ATRNL1: variants seen among roughly 807,000 people sequenced by gnomAD.
ATRNL1 encodes the protein attractin-like protein 1.
ATRNL1 carries 95 observed loss-of-function variants against 182.7 expected under a neutral mutation model. The ratio of observed to expected loss-of-function variants is 0.52; its 90% CI spans 0.44 to 0.62. The LOEUF (loss-of-function observed/expected upper bound fraction) is 0.62. Among genes scored for constraint, ATRNL1 ranks in the 20% least tolerant of loss-of-function variants. The pLI is 0.00. For synonymous variants in ATRNL1, 576 were observed against 568.3 expected, an observed-to-expected ratio of 1.01 and a Z score of -0.19; for missense variants, 1,471 against 1,679.5, an observed-to-expected ratio of 0.88 and a Z score of 2.17.
intron 26 of ATRNL1, among the ~76,000 whole-genome samples, chr10:115,564,122 A>T (rs1276679233): frequency 1.3e-5 from 2 of 152,060 alleles, no homozygotes; most frequent in Non-Finnish European, 2.9e-5. Flanking sequence ...ATTATGGTCT[A>T]ATTTAGTTTA....
intron 13 of ATRNL1, among the ~76,000 whole-genome samples, chr10:115,273,002 C>T (rs1851939396): frequency 6.6e-6 from 1 of 152,196 alleles, no homozygotes; most frequent in Non-Finnish European, 1.5e-5. Flanking sequence ...GAATAAATGT[C>T]TGTTTCAGTA....
In ATRNL1 at chr10:115,093,637, G is replaced by A. The variant is rs886940673; in HGVS notation, c.-114G>A. ...GGGAGCGGGACTCGGACGGGCGCCG[G>A]TGAGGAGGAGGAGAAGCGGCGGCGG... On this transcript the variant is annotated 5_prime_UTR_variant, in exon 1 of 29. In the 5' UTR this introduces an upstream ATG that the reference lacks. Coordinates refer to ENST00000355044, the MANE Select transcript of ATRNL1 (RefSeq NM_207303.4). The surrounding 1 kb of genome is among the most constrained non-coding windows in gnomAD (Gnocchi z 6.1). The A allele has an allele frequency of 1.7e-5, 21 of 1,211,646 alleles. No homozygotes were observed. In the African/African-American group the frequency reaches 2.2e-4, roughly 13 times the overall value. The allele number at this position is 1,211,646 out of a possible 1,614,324, so 75.1% of individuals were successfully genotyped here. A position where few individuals can be genotyped will look rare whatever the true frequency, so the allele number is the denominator to read the frequency against.
chr10:115,159,851 T>G (rs1229702748), intron 5 of ATRNL1, among the ~76,000 whole-genome samples, 189 bp from the exon 6 acceptor site: 1 of 151,792 alleles, frequency 6.6e-6, no homozygotes, highest in Non-Finnish European at 1.5e-5. Flanking sequence ...AGTATATGAC[T>G]TTTTTCACCT....
chr10:115,747,910 C>T (rs1278725460), intron 27 of ATRNL1, among the ~76,000 whole-genome samples: 1 of 151,996 alleles, frequency 6.6e-6, no homozygotes, highest in Non-Finnish European at 1.5e-5. Context: ...AAACACACTC[C>T]ATTGGCCTTC....
chr10:115,793,259 G>T (rs1949571605), intron 27 of ATRNL1, among the ~76,000 whole-genome samples: 1 of 151,968 alleles, frequency 6.6e-6, no homozygotes, highest in Admixed American at 6.6e-5. Flanking sequence ...TTGAAGAAAT[G>T]TCTTCTTTTA....
intron 8 of ATRNL1, among the ~76,000 whole-genome samples, chr10:115,192,668 GAACCTTTGGGTAGTT>G (rs1483512804): frequency 6.6e-6 from 1 of 151,982 alleles, no homozygotes; most frequent in Non-Finnish European, 1.5e-5. Context: ...TTAATCTATA[GAACCTTTGGGTAGTT>G]TGGACATTTT....
chr10:115,286,499 GA>G lies in ATRNL1; in HGVS notation c.2415+105del, dbSNP rs1200262615. 1.0e-4 allele frequency: 68 copies of G among 662,602 alleles called. No homozygotes were observed. In the African/African-American group the frequency reaches 1.2e-3, roughly 12 times the overall value. The allele number at this position is 662,602 out of a possible 1,614,324, so 41.0% of individuals were successfully genotyped here. ...TAATACATTATTGTTGCTAATTTTG[GA>G]AATAAAAGTGAAATTGATTTCTCAA... is the stretch of plus-strand genomic sequence containing the variant. On this transcript the variant is annotated intron_variant, in intron 15 of 28. Transcript: ENST00000355044.
At chr10:115,639,454 C>A (rs1859094178) in intron 26 of ATRNL1, among the ~76,000 whole-genome samples, 1 of 152,168 alleles carries the variant, frequency 6.6e-6, no homozygotes, top group African/African-American at 2.4e-5. Flanking sequence ...ACCTACATAC[C>A]ATTGGCTATC....
intron 3 of ATRNL1, among the ~76,000 whole-genome samples, chr10:115,125,385 C>T (rs1844922411): frequency 6.6e-6 from 1 of 152,124 alleles, no homozygotes; most frequent in Non-Finnish European, 1.5e-5. Context: ...GTCCTAATCC[C>T]TTAATCACTG....
At chr10:115,813,847 A>ATATTTTT (rs1226284852) in intron 27 of ATRNL1, among the ~76,000 whole-genome samples, 5 of 152,164 alleles carry the variant, frequency 3.3e-5, no homozygotes, top group African/African-American at 1.2e-4. Flanking sequence ...TTTTTAAATA[A>ATATTTTT]TATTTTTTAT....
intron 26 of ATRNL1, among the ~76,000 whole-genome samples, chr10:115,719,234 T>C (rs1165111492): frequency 1.3e-5 from 2 of 152,192 alleles, no homozygotes; most frequent in African/African-American, 4.8e-5. Context: ...CATTAAGACT[T>C]TACAGAAAAA....
chr10:115,177,001 T>C (rs1230487916), intron 8 of ATRNL1, among the ~76,000 whole-genome samples: 1 of 151,812 alleles, frequency 6.6e-6, no homozygotes, highest in African/African-American at 2.4e-5. Context: ...ACTAATGAAG[T>C]GGGTGTAGAT....
intron 1 of ATRNL1, among the ~76,000 whole-genome samples, chr10:115,095,564 G>A: frequency 6.6e-6 from 1 of 151,562 alleles, no homozygotes; most frequent in East Asian, 1.9e-4. Context: ...ATTTTTCTAG[G>A]GTTTATACTT....
intron 26 of ATRNL1, among the ~76,000 whole-genome samples, chr10:115,662,789 T>TA (rs1487642275): frequency 3.3e-5 from 5 of 152,062 alleles, no homozygotes; most frequent in Admixed American, 6.6e-5. Flanking sequence ...TCATATATTA[T>TA]AAAAAATGAT....
chr10:115,501,341 T>C (rs1442924222), intron 24 of ATRNL1, among the ~76,000 whole-genome samples: 2 of 152,162 alleles, frequency 1.3e-5, no homozygotes, highest in African/African-American at 4.8e-5. Context: ...AACTTGGGGC[T>C]CATGGGCCTA....
intron 5 of ATRNL1, among the ~76,000 whole-genome samples, chr10:115,154,682 G>T (rs183200573): frequency 5.9e-5 from 9 of 152,232 alleles, no homozygotes; most frequent in Admixed American, 5.9e-4. Context: ...TGATTGAAAT[G>T]TTCTGTAAAT....
intron 28 of ATRNL1, among the ~76,000 whole-genome samples, chr10:115,875,373 T>C (rs7090190): frequency 0.019 from 2,848 of 152,206 alleles, 82 homozygotes; most frequent in African/African-American, 0.065. Flanking sequence ...CATTGCCCAA[T>C]TTGGGGAGGC....
chr10:115,791,581 C>T (rs369745477), intron 27 of ATRNL1, among the ~76,000 whole-genome samples: 2 of 152,170 alleles, frequency 1.3e-5, no homozygotes, highest in East Asian at 3.9e-4. Flanking sequence ...CTAGTTAAAA[C>T]AACAGACTAA....
chr10:115,626,147 C>G (rs1858082641), intron 26 of ATRNL1, among the ~76,000 whole-genome samples: 1 of 152,176 alleles, frequency 6.6e-6, no homozygotes, highest in South Asian at 2.1e-4. Context: ...TTTTATAACA[C>G]ACACACTCAT....
Sources: allele counts gnomAD v4.1 joint callset (sites outside exome capture counted in the v4.1 genomes callset), GRCh38; gene constraint gnomAD v4.1.1; non-coding constraint Gnocchi (gnomAD v3.1); transcripts MANE v1.5; gene names NCBI Gene and HGNC (gene_info 2026-07-23, HGNC 2026-07-21).